The following ALK variants were observed in gnomAD, a reference collection of about 807,000 sequenced individuals.
The protein encoded by ALK is ALK receptor tyrosine kinase.
Under a neutral mutation model 163.1 loss-of-function variants are expected in ALK, and 74 were observed. That is an observed-to-expected ratio of 0.45 (90% CI 0.38 to 0.55). ALK has a LOEUF of 0.55. ALK is among the 20% of genes least tolerant of loss of function. The pLI is 0.00. For missense variants in ALK, 2,063 were observed against 2,105.3 expected (o/e 0.98, Z 0.39); for synonymous variants, 960 against 843.2 (o/e 1.14, Z -2.40).
intron 22 of ALK, 129 bp downstream of exon 22, chr2:29,222,215 C>T (rs2148168110): frequency 1.2e-6 from 1 of 830,300 alleles, no homozygotes; most frequent in Non-Finnish European, 2.0e-6. Context: ...TGGGAGTCTC[C>T]TACTGGAGAA....
intron 1 of ALK, among the ~76,000 whole-genome samples, chr2:29,764,618 G>T (rs1013276128): frequency 6.6e-6 from 1 of 152,144 alleles, no homozygotes; most frequent in Admixed American, 6.5e-5. Context: ...ATGTTGTTCT[G>T]TCACTGGCTT....
intron 1 of ALK, among the ~76,000 whole-genome samples, chr2:29,780,636 C>A (rs574189665): frequency 6.6e-6 from 1 of 152,288 alleles, no homozygotes; most frequent in African/African-American, 2.4e-5. Flanking sequence ...GCCCTGAACA[C>A]CTTAGGGATA....
chr2:29,723,160 C>A (rs1679469804), intron 1 of ALK, among the ~76,000 whole-genome samples: 1 of 152,206 alleles, frequency 6.6e-6, no homozygotes, highest in African/African-American at 2.4e-5. Flanking sequence ...GATCTGGCTC[C>A]TGATTCTGTC....
At chr2:29,429,959 G>T (rs921983544) in intron 4 of ALK, among the ~76,000 whole-genome samples, 3 of 152,060 alleles carry the variant, frequency 2.0e-5, no homozygotes, top group South Asian at 2.1e-4. Flanking sequence ...TTCCATGGGG[G>T]AAAGAATAGT....
chr2:29,552,166 A>C (rs1413638782), intron 3 of ALK, among the ~76,000 whole-genome samples: 1 of 152,176 alleles, frequency 6.6e-6, no homozygotes, highest in African/African-American at 2.4e-5. Flanking sequence ...TTTCAAGTTC[A>C]TCTATTTCAC....
chr2:29,737,500 G>A (rs1458324590), intron 1 of ALK, among the ~76,000 whole-genome samples: 3 of 152,098 alleles, frequency 2.0e-5, no homozygotes, highest in Non-Finnish European at 2.9e-5. Context: ...TGGCAGCTAA[G>A]AAGACGTTAA....
intron 3 of ALK, among the ~76,000 whole-genome samples, chr2:29,588,651 G>A (rs1038558688): frequency 6.6e-6 from 1 of 152,174 alleles, no homozygotes; most frequent in Non-Finnish European, 1.5e-5. Flanking sequence ...AATATTTTAT[G>A]CTTTGTGAGA....
intron 5 of ALK, among the ~76,000 whole-genome samples, chr2:29,346,624 C>T (rs1667956842): frequency 6.6e-6 from 1 of 152,238 alleles, no homozygotes; most frequent in South Asian, 2.1e-4. Context: ...TTTCCATTGA[C>T]AGTTAAATTA....
At chr2:29,674,759 C>T (rs1425335607) in intron 3 of ALK, among the ~76,000 whole-genome samples, 3 of 149,768 alleles carry the variant, frequency 2.0e-5, no homozygotes, top group Non-Finnish European at 4.4e-5. Flanking sequence ...GGTACCAGTT[C>T]CTCCTTGTAC....
chr2:29,226,981 T>C lies in ALK; in HGVS notation c.3008A>G (p.Lys1003Arg), dbSNP rs1573131736. 3 of 1,614,200 alleles carry C rather than the reference T, an allele frequency of 1.9e-6. No individual in the cohort carries two copies. The highest frequency in any genetic ancestry group is 1.3e-5 in the African/African-American group (1 of 75,042). ...CCCGTGGTCACAGAAGCAGATGACC[T>C]TGTGGCTTTCAGGGTCCATGTGACA... ...DECHMDPESH[K>R]VICFCDHGTV... Residue 1003 changes from lysine to arginine, a missense_variant, in exon 18 of 29, where the codon AAG becomes AGG. Lys to Arg is a conservative substitution (Grantham distance 26). Around this residue, in one of 5 missense-constraint regions of ALK, gnomAD observed 575 missense variants for 626.6 expected, o/e 0.92. Transcript: ENST00000389048.
intron 2 of ALK, among the ~76,000 whole-genome samples, chr2:29,708,833 G>T (rs2631971): frequency 0.62 from 94,747 of 151,860 alleles, 33,748 homozygotes; most frequent in Non-Finnish European, 0.79. Context: ...GTGGCTATTT[G>T]ATCAGACCAC....
At chr2:29,401,220 C>T (rs1288839095) in intron 4 of ALK, among the ~76,000 whole-genome samples, 1 of 152,152 alleles carries the variant, frequency 6.6e-6, no homozygotes, top group Non-Finnish European at 1.5e-5. Context: ...CCTCTCCTGA[C>T]GTGGCCGCTG....
At chr2:29,631,811 G>A (rs948738930) in intron 3 of ALK, among the ~76,000 whole-genome samples, 1 of 152,328 alleles carries the variant, frequency 6.6e-6, no homozygotes, top group Admixed American at 6.5e-5. Flanking sequence ...CATTCCATGT[G>A]TCCTACCTCA....
intron 3 of ALK, among the ~76,000 whole-genome samples, chr2:29,680,835 G>T (rs1678041994): frequency 6.6e-6 from 1 of 151,996 alleles, no homozygotes; most frequent in African/African-American, 2.4e-5. Context: ...ATTTCCCTCT[G>T]AAGACTGCCA....
At chr2:29,708,344 C>G (rs1678975426) in intron 2 of ALK, among the ~76,000 whole-genome samples, 1 of 152,186 alleles carries the variant, frequency 6.6e-6, no homozygotes, top group Non-Finnish European at 1.5e-5. Context: ...GCTGGGATTA[C>G]AGGCATTAAT....
chr2:29,321,136 G>A (rs1296073661), intron 6 of ALK, among the ~76,000 whole-genome samples: 1 of 152,220 alleles, frequency 6.6e-6, no homozygotes, highest in Non-Finnish European at 1.5e-5. Context: ...CAGCATGGGT[G>A]TTGTTAGTCC....
intron 4 of ALK, among the ~76,000 whole-genome samples, chr2:29,482,224 C>G (rs1314061074): frequency 6.6e-6 from 1 of 152,174 alleles, no homozygotes; most frequent in African/African-American, 2.4e-5. Flanking sequence ...TAGGATCAAG[C>G]TGGTCAGGAT....
intron 1 of ALK, among the ~76,000 whole-genome samples, chr2:29,880,893 T>C (rs1666847916): frequency 6.6e-6 from 1 of 152,202 alleles, no homozygotes; most frequent in African/African-American, 2.4e-5. Flanking sequence ...GCCTTTAAAA[T>C]TTTGAAGCTC....
intron 1 of ALK, among the ~76,000 whole-genome samples, chr2:29,779,220 G>C (rs550795166): frequency 2.0e-4 from 31 of 152,218 alleles, no homozygotes; most frequent in African/African-American, 7.5e-4. Flanking sequence ...TAGGCCTCTA[G>C]GAAGGGTTAA....
Sources: gnomAD v4.1 joint callset for allele counts (sites outside exome capture counted in the v4.1 genomes callset) on GRCh38, gnomAD v4.1.1 for gene constraint, gnomAD v4.1.1 regional missense constraint, MANE v1.5 for transcripts, NCBI Gene and HGNC (gene_info 2026-07-23, HGNC 2026-07-21) for gene names.